SPACA1: variants seen among roughly 807,000 people sequenced by gnomAD.
SPACA1 encodes sperm acrosome membrane-associated protein 1.
Under a neutral mutation model 32.6 loss-of-function variants are expected in SPACA1, and 17 were observed. The observed-to-expected ratio is 0.52, with a 90% confidence interval of 0.36 to 0.78. The LOEUF is 0.78. Ranked by LOEUF, SPACA1 falls within the 30% of genes least tolerant of loss-of-function variation. The probability of loss-of-function intolerance (pLI) is 0.01; values close to 1 mark genes in which losing one functional copy is unlikely to be tolerated. For synonymous variants in SPACA1, 140 were observed against 138.1 expected, an observed-to-expected ratio of 1.01 and a Z score of -0.10; for missense variants, 363 against 373.4, an observed-to-expected ratio of 0.97 and a Z score of 0.23.
chr6:88,047,131 C>G (rs1582264337), upstream of SPACA1, among the ~76,000 whole-genome samples: 2 of 152,186 alleles, frequency 1.3e-5, no homozygotes, highest in East Asian at 3.8e-4. Flanking sequence ...CAATCACCCC[C>G]ACTAAAGGCT....
chr6:88,052,788 G>A (rs1775748391), intron 1 of SPACA1, among the ~76,000 whole-genome samples: 1 of 152,122 alleles, frequency 6.6e-6, no homozygotes, highest in Non-Finnish European at 1.5e-5. Context: ...AGTGAGCCGG[G>A]ATCATGCCAC....
intron 6 of SPACA1, chr6:88,064,423 C>A (rs568731825): frequency 2.9e-4 from 97 of 335,702 alleles, no homozygotes; most frequent in African/African-American, 1.9e-3. Flanking sequence ...AATCTCATGA[C>A]TTGCTTCTCC....
chr6:88,052,040 A>C (rs1295429282), intron 1 of SPACA1, among the ~76,000 whole-genome samples: 1 of 152,188 alleles, frequency 6.6e-6, no homozygotes, highest in Non-Finnish European at 1.5e-5. Context: ...TTTACCACTC[A>C]TAGGTTTATA....
At chr6:88,052,223 AT>A (rs968420567) in intron 1 of SPACA1, among the ~76,000 whole-genome samples, 29 of 149,872 alleles carry the variant, frequency 1.9e-4, no homozygotes, top group African/African-American at 5.1e-4. Context: ...ATTTAGTCTC[AT>A]TTTTTTTTTC....
At chr6:88,066,152 G>A (rs769974461) in intron 6 of SPACA1, 30 bp from the exon 7 acceptor site, 1 of 1,537,178 alleles carries the variant, frequency 6.5e-7, no homozygotes, top group Non-Finnish European at 8.7e-7. Context: ...CACTTCATAT[G>A]GTGGTTTTGG....
intron 1 of SPACA1, among the ~76,000 whole-genome samples, chr6:88,050,421 A>G (rs1259856698): frequency 6.6e-6 from 1 of 152,240 alleles, no homozygotes; most frequent in Admixed American, 6.5e-5. Context: ...CAATTTCATC[A>G]TCATCATTAG....
chr6:88,056,334 A>G (rs1775806970), intron 2 of SPACA1, among the ~76,000 whole-genome samples: 1 of 152,208 alleles, frequency 6.6e-6, no homozygotes, highest in Non-Finnish European at 1.5e-5. Flanking sequence ...AGCCTCTGCA[A>G]CAGAGCAAGA....
chr6:88,051,168 A>G (rs892658232), intron 1 of SPACA1, among the ~76,000 whole-genome samples: 8 of 152,004 alleles, frequency 5.3e-5, no homozygotes, highest in African/African-American at 1.9e-4. Context: ...AAGATAATAG[A>G]TTTATATCCT....
Position 88,048,087 on chromosome 6 carries a change from A to G in SPACA1, c.182A>G (p.Asn61Ser), listed in dbSNP as rs538428968. The G allele has an allele frequency of 1.9e-6, 3 of 1,598,272 alleles. No homozygotes were observed. Among genetic ancestry groups the G allele is most frequent in the Non-Finnish European group, 2.6e-6 (3 of 1,173,980 alleles). ...TENNDSETAENYAPPETEDVS... is the reference protein window; with the variant it reads ...TENNDSETAESYAPPETEDVS... ...AACAACGACAGCGAGACCGCGGAGA[A>G]CTACGCTCCGCCTGAAACCGAGGAT... Residue 61 changes from asparagine (N) to serine (S), a missense_variant, in exon 1 of 7, where the codon AAC becomes AGC. Coordinates refer to ENST00000237201, the MANE Select transcript of SPACA1 (RefSeq NM_030960.3).
In SPACA1 at chr6:88,066,461, C is replaced by A; in HGVS notation, c.*126C>A. On this transcript the variant is annotated 3_prime_UTR_variant, in exon 7 of 7. Coordinates refer to ENST00000237201, the MANE Select transcript of SPACA1 (RefSeq NM_030960.3). ...GGATTGCCACAGTGTGAAGGAAATG[C>A]AGTGTGGGGATAGGACTATTTTATC... 1 of 839,270 alleles carries A rather than the reference C, an allele frequency of 1.2e-6. No homozygotes were observed. The highest frequency in any genetic ancestry group is 1.7e-6 in the Non-Finnish European group (1 of 588,276). 52.0% of individuals were successfully genotyped at this position (839,270 alleles called of 1,614,324 possible).
chr6:88,055,039 C>T (rs1287194166), intron 2 of SPACA1, among the ~76,000 whole-genome samples: 1 of 151,868 alleles, frequency 6.6e-6, no homozygotes, highest in Non-Finnish European at 1.5e-5. Context: ...TTGTTTTAAC[C>T]TGTTTTTTTT....
rs575508548 is a variant in SPACA1, at chr6:88,064,725, T to C, written c.731+506T>C. Among the ~76,000 whole-genome samples the C allele has an allele frequency of 3.3e-5, 5 of 149,850 alleles. No individual in the cohort carries two copies. In the East Asian group the frequency reaches 9.7e-4, roughly 29 times the overall value. ...CTTAGAGAAGAGGTAATATATATGT[T>C]TTATATATATGTACATATATATGTA... is the stretch of plus-strand genomic sequence containing the variant. On this transcript the variant is annotated intron_variant, in intron 6 of 6. Transcript: ENST00000237201.
At chr6:88,062,169 C>G (rs923687993) in intron 5 of SPACA1, among the ~76,000 whole-genome samples, 1 of 152,128 alleles carries the variant, frequency 6.6e-6, no homozygotes, top group South Asian at 2.1e-4. Context: ...AACTATTTAG[C>G]GAGATCCCTA....
At chr6:88,048,842 T>C (rs368464583) in intron 1 of SPACA1, among the ~76,000 whole-genome samples, 5 of 152,368 alleles carry the variant, frequency 3.3e-5, no homozygotes, top group East Asian at 1.9e-4. Flanking sequence ...ACATGTCATA[T>C]TGATTAGTAA....
intron 1 of SPACA1, among the ~76,000 whole-genome samples, chr6:88,051,108 C>G (rs866934080): frequency 1.3e-5 from 2 of 151,488 alleles, no homozygotes; most frequent in Non-Finnish European, 1.5e-5. Context: ...GATTACGCCA[C>G]TGCACTCCAG....
At chr6:88,061,744 G>A (rs558583441) in intron 5 of SPACA1, among the ~76,000 whole-genome samples, 2 of 152,210 alleles carry the variant, frequency 1.3e-5, no homozygotes, top group South Asian at 4.2e-4. Flanking sequence ...CCCAGTTTGT[G>A]GTACTTTGTT....
upstream of SPACA1, chr6:88,047,832 G>A (rs78486869): frequency 7.2e-7 from 1 of 1,390,762 alleles, no homozygotes; most frequent in East Asian, 2.5e-5. Context: ...GGGTGTCGCA[G>A]CTCTCTTCGA....
At chr6:88,064,835 G>A (rs113357578) in intron 6 of SPACA1, among the ~76,000 whole-genome samples, 441 of 147,454 alleles carry the variant, frequency 3.0e-3, no homozygotes, top group African/African-American at 6.7e-3. Flanking sequence ...TAGGTCATAT[G>A]TGTGTACCAA....
upstream of SPACA1, among the ~76,000 whole-genome samples, chr6:88,047,621 G>A (rs1490893265): frequency 6.6e-6 from 1 of 152,222 alleles, no homozygotes; most frequent in Non-Finnish European, 1.5e-5. Context: ...AGGCGCCCTG[G>A]GCAGGGAACT....
Sources: gnomAD v4.1 joint callset for allele counts (sites outside exome capture counted in the v4.1 genomes callset) on GRCh38, gnomAD v4.1.1 for gene constraint, MANE v1.5 for transcripts, NCBI Gene and HGNC (gene_info 2026-07-23, HGNC 2026-07-21) for gene names.